GRIP1: variants seen among roughly 807,000 people sequenced by gnomAD.
GRIP1 encodes glutamate receptor-interacting protein 1.
A neutral mutation model predicts 129.9 loss-of-function variants in GRIP1; 45 were observed. That is an observed-to-expected ratio of 0.35 (90% confidence interval 0.27 to 0.44). GRIP1 has a LOEUF of 0.44. GRIP1 is among the 20% of genes least tolerant of loss of function. GRIP1 has a pLI of 1.00. For missense variants in GRIP1, 1,196 were observed against 1,396.8 expected, an observed-to-expected ratio of 0.86 and a Z score of 2.29; for synonymous variants, 530 against 520.8, an observed-to-expected ratio of 1.02 and a Z score of -0.24.
intron 7 of GRIP1, among the ~76,000 whole-genome samples, chr12:66,504,903 G>C (rs568722416): frequency 6.6e-5 from 10 of 152,274 alleles, no homozygotes; most frequent in African/African-American, 1.9e-4. Context: ...AGTTGCTCTA[G>C]CTGATAACCT....
chr12:66,438,407 A>T (rs1371389379), intron 13 of GRIP1, among the ~76,000 whole-genome samples: 1 of 152,078 alleles, frequency 6.6e-6, no homozygotes, highest in Non-Finnish European at 1.5e-5. Context: ...AGTAGGGATG[A>T]TCTCGGCTCC....
intron 1 of GRIP1, among the ~76,000 whole-genome samples, chr12:66,798,699 G>A (rs944210094): frequency 6.6e-6 from 1 of 152,066 alleles, no homozygotes; most frequent in Non-Finnish European, 1.5e-5. Flanking sequence ...ACTGATGAAG[G>A]TAGCTATATT....
rs372063847 is a variant in GRIP1 at position 67,065,610 on chromosome 12, CA to C, written c.58+3439del. Among the ~76,000 whole-genome samples, 24 of 151,920 alleles carry C rather than the reference CA, an allele frequency of 1.6e-4. No homozygotes were observed. The South Asian group carries it at 2.5e-3, about 16-fold the overall frequency. On this transcript the variant is annotated intron_variant, in intron 1 of 1. Transcript: ENST00000643019. ...CTCTTTTCCTCAATAATAAAAATGCCAAAAAGTATGTTTGCAGAAACAGATA... is the reference window on the plus strand; with the variant it reads ...CTCTTTTCCTCAATAATAAAAATGCCAAAAGTATGTTTGCAGAAACAGATA...
chr12:66,795,991 A>T (rs187433233), intron 1 of GRIP1, among the ~76,000 whole-genome samples: 5 of 152,238 alleles, frequency 3.3e-5, no homozygotes, highest in Admixed American at 3.3e-4. Context: ...TGCTCAATGG[A>T]TGTTTAGGAT....
Position 66,483,576 on chromosome 12 carries a change from C to T in GRIP1, c.725-18154G>A, listed in dbSNP as rs147632152. 5.9e-5 allele frequency among the ~76,000 whole-genome samples: 9 copies of T among 152,318 alleles called. No homozygotes were observed. In the East Asian group the frequency reaches 1.5e-3, roughly 26 times the overall value. On this transcript the variant is annotated intron_variant, in intron 7 of 24. Transcript: ENST00000359742. Reference sequence around the variant, plus strand: ...TGACTCCCACTCTCTGCAGCAGGCTCACCCTGGTAATTGCATTAATTTTGG... The same window carrying T: ...TGACTCCCACTCTCTGCAGCAGGCTTACCCTGGTAATTGCATTAATTTTGG...
chr12:66,625,928 CA>C, intron 1 of GRIP1, among the ~76,000 whole-genome samples: 1 of 151,942 alleles, frequency 6.6e-6, no homozygotes, highest in East Asian at 1.9e-4. Flanking sequence ...GAAGCACTAT[CA>C]GAAAGAGAAT....
chr12:66,796,507 C>A (rs996645416), intron 1 of GRIP1, among the ~76,000 whole-genome samples: 1 of 152,150 alleles, frequency 6.6e-6, no homozygotes, highest in African/African-American at 2.4e-5. Flanking sequence ...ACATCCTGTT[C>A]TCCAAGAAGG....
At chr12:66,602,720 C>T (rs7137011) in intron 1 of GRIP1, among the ~76,000 whole-genome samples, 34,122 of 151,926 alleles carry the variant, frequency 0.22, 4,241 homozygotes, top group African/African-American at 0.33. Flanking sequence ...TACCTTCCCT[C>T]CTCCCTTTTG....
intron 7 of GRIP1, among the ~76,000 whole-genome samples, chr12:66,472,272 G>A (rs905180660): frequency 1.3e-5 from 2 of 152,140 alleles, no homozygotes; most frequent in African/African-American, 2.4e-5. Flanking sequence ...ACATTGAAAG[G>A]TAGTGGGGAT....
chr12:66,815,741 G>C (rs1050604934), intron 1 of GRIP1, among the ~76,000 whole-genome samples: 2 of 151,774 alleles, frequency 1.3e-5, no homozygotes, highest in African/African-American at 4.8e-5. Context: ...TCCAGCCTGG[G>C]CAACAGAATA....
intron 1 of GRIP1, among the ~76,000 whole-genome samples, chr12:66,865,622 TCCAA>T (rs1042566137): frequency 5.7e-5 from 7 of 123,094 alleles, no homozygotes; most frequent in African/African-American, 2.0e-4. Context: ...CATCCATCCA[TCCAA>T]CCATCCATCC....
At chr12:66,361,233 T>G (rs888909045) in intron 23 of GRIP1, among the ~76,000 whole-genome samples, 1 of 151,738 alleles carries the variant, frequency 6.6e-6, no homozygotes, top group African/African-American at 2.4e-5. Context: ...GTCTGGGGAG[T>G]CTTCTTGGCT....
intron 1 of GRIP1, among the ~76,000 whole-genome samples, chr12:67,068,863 C>CCG (rs1555170323): frequency 1.1e-5 from 1 of 90,940 alleles, no homozygotes; most frequent in African/African-American, 4.0e-5. Flanking sequence ...GCCCCCCCCC[C>CCG]CCCCCGCAAA....
At chr12:66,556,408 T>C (rs998008575) in intron 2 of GRIP1, among the ~76,000 whole-genome samples, 1 of 152,130 alleles carries the variant, frequency 6.6e-6, no homozygotes, top group African/African-American at 2.4e-5. Context: ...GCACCAGACC[T>C]GTCCTACAAG....
intron 1 of GRIP1, among the ~76,000 whole-genome samples, chr12:66,970,104 G>T (rs189572220): frequency 6.6e-6 from 1 of 152,200 alleles, no homozygotes; most frequent in Admixed American, 6.5e-5. Flanking sequence ...TTGAGACAGG[G>T]TCTTACTTAC....
chr12:66,762,670 T>A (rs1017130746), intron 1 of GRIP1, among the ~76,000 whole-genome samples: 10 of 152,226 alleles, frequency 6.6e-5, no homozygotes, highest in Non-Finnish European at 1.2e-4. Flanking sequence ...CAAGCCACTG[T>A]GCTTATGCTG....
chr12:66,895,362 TG>T (rs2040729416), intron 1 of GRIP1, among the ~76,000 whole-genome samples: 2 of 152,188 alleles, frequency 1.3e-5, no homozygotes, highest in Admixed American at 1.3e-4. Flanking sequence ...CCTGCTGCCA[TG>T]TAAGATATGC....
chr12:66,815,256 A>G (rs2039185465), intron 1 of GRIP1, among the ~76,000 whole-genome samples: 1 of 152,184 alleles, frequency 6.6e-6, no homozygotes, highest in South Asian at 2.1e-4. Context: ...GGGTGGTATC[A>G]TAAGAGGGGA....
intron 5 of GRIP1, among the ~76,000 whole-genome samples, chr12:66,528,586 T>G (rs1472666062): frequency 6.6e-6 from 1 of 152,172 alleles, no homozygotes; most frequent in East Asian, 1.9e-4. Flanking sequence ...TAACCAAATG[T>G]GTTTCTGGAG....
Sources: gnomAD v4.1 joint callset for allele counts (sites outside exome capture counted in the v4.1 genomes callset) on GRCh38, gnomAD v4.1.1 for gene constraint, MANE v1.5 for transcripts, NCBI Gene and HGNC (gene_info 2026-07-23, HGNC 2026-07-21) for gene names.